ACSS1: variants seen among roughly 807,000 people sequenced by gnomAD.
ACSS1 encodes the protein acyl-CoA synthetase short chain family member 1, also known as acetyl-coenzyme A synthetase 2-like, mitochondrial.
Under a neutral mutation model 75.3 loss-of-function variants are expected in ACSS1, and 42 were observed. That is an observed-to-expected ratio of 0.56 (90% CI 0.44 to 0.72). ACSS1 has a LOEUF of 0.72. ACSS1 is among the 30% of genes least tolerant of loss of function. The probability of loss-of-function intolerance (pLI) is 0.00; values close to 1 mark genes in which losing one functional copy is unlikely to be tolerated. For synonymous variants in ACSS1, 380 were observed against 376.8 expected, an observed-to-expected ratio of 1.01 and a Z score of -0.10; for missense variants, 782 against 935.7, an observed-to-expected ratio of 0.84 and a Z score of 2.14.
chr20:25,012,720 G>A (rs1367070908), intron 11 of ACSS1, 56 bp from the exon 12 acceptor site: 2 of 1,613,538 alleles, frequency 1.2e-6, no homozygotes, highest in African/African-American at 1.3e-5. Flanking sequence ...TGCTAGAAGT[G>A]ACTCGGGCCA....
intron 7 of ACSS1, among the ~76,000 whole-genome samples, chr20:25,019,004 T>C (rs1342452825): frequency 6.6e-6 from 1 of 152,226 alleles, no homozygotes; most frequent in Non-Finnish European, 1.5e-5. Flanking sequence ...CCAGCTGCTG[T>C]GCCTCTCAGC....
intron 2 of ACSS1, chr20:25,046,541 G>A (rs1180614663): frequency 3.0e-5 from 15 of 492,424 alleles, no homozygotes; most frequent in Non-Finnish European, 3.7e-6. Flanking sequence ...CCTTCGGGGA[G>A]TGCCATGGCT....
At chr20:25,029,452 A>C (rs1310969500) in intron 3 of ACSS1, among the ~76,000 whole-genome samples, 1 of 152,242 alleles carries the variant, frequency 6.6e-6, no homozygotes, top group African/African-American at 2.4e-5. Context: ...TTAGCAAAAC[A>C]GTTTTACAGT....
intron 5 of ACSS1, among the ~76,000 whole-genome samples, chr20:25,022,453 G>A (rs751524328): frequency 1.3e-5 from 2 of 152,126 alleles, no homozygotes; most frequent in Non-Finnish European, 1.5e-5. Flanking sequence ...TGCTCATATG[G>A]GTCACAAAAC....
rs144232421 is a variant in ACSS1, at chr20:25,016,570, C to T, written c.1247-1340G>A. On this transcript the variant is annotated intron_variant, in intron 7 of 13. Coordinates refer to ENST00000323482, the MANE Select transcript of ACSS1 (RefSeq NM_032501.4). ...GCTCAGGACCACTCACAACCCACAGCCTGTCCCAGCAGTGGCCCCCGCATC... is the reference window on the plus strand; with the variant it reads ...GCTCAGGACCACTCACAACCCACAGTCTGTCCCAGCAGTGGCCCCCGCATC... Among the ~76,000 whole-genome samples the T allele has an allele frequency of 7.8e-3, 1,186 of 152,338 alleles. 15 individuals are homozygous for T. The highest frequency in any genetic ancestry group is 0.027 in the African/African-American group (1,111 of 41,564).
intron 3 of ACSS1, among the ~76,000 whole-genome samples, chr20:25,027,536 C>A (rs548567400): frequency 6.6e-6 from 1 of 152,110 alleles, no homozygotes; most frequent in Non-Finnish European, 1.5e-5. Flanking sequence ...AAGGAAAAAA[C>A]ACATCTCAAT....
In ACSS1 at chr20:25,023,081, C is replaced by G; in HGVS notation, c.819G>C (p.Lys273Asn). 3 of 1,611,998 alleles carry G rather than the reference C, an allele frequency of 1.9e-6. No individual in the cohort carries two copies. Among genetic ancestry groups the G allele is most frequent in the Non-Finnish European group, 2.5e-6 (3 of 1,178,908 alleles). ...TCTCTGGGGCGCAAACAGGGTCCTCCTTGGCCATTTCCTGGCAGGGAGAAG... is the reference window on the plus strand; with the variant it reads ...TCTCTGGGGCGCAAACAGGGTCCTCGTTGGCCATTTCCTGGCAGGGAGAAG... The part of the protein sequence containing the change: ...LDVPLEQEMA[K>N]EDPVCAPESM... Residue 273 changes from lysine to asparagine, a missense_variant, in exon 5 of 14, where the codon AAG becomes AAC. Physicochemically the swap from Lys to Asn is moderately conservative, Grantham distance 94. Transcript: ENST00000323482.
chr20:25,019,951 A>G (rs946645743), intron 7 of ACSS1, 59 bp downstream of exon 7: 29 of 1,608,688 alleles, frequency 1.8e-5, no homozygotes, highest in Non-Finnish European at 2.5e-5. Flanking sequence ...TGAAGCCCGT[A>G]TTGGCTCTGA....
At position 25,013,941 on chromosome 20, in the gene ACSS1, T is replaced by G. The variant is rs1020815670; in HGVS notation, c.1452+20A>C. The G allele has an allele frequency of 2.5e-6, 4 of 1,605,318 alleles. No homozygotes were observed. Among genetic ancestry groups the G allele is most frequent in the Non-Finnish European group, 8.5e-7 (1 of 1,173,620 alleles). ...GGAGGGCAAGCACATGACCCCCATG[T>G]GGGGGAGGCCCATACACACCTTCTC... On this transcript the variant is annotated intron_variant, in intron 9 of 13. Coordinates refer to ENST00000323482, the MANE Select transcript of ACSS1 (RefSeq NM_032501.4).
At chr20:25,008,888 C>T (rs1385065484) in intron 13 of ACSS1, among the ~76,000 whole-genome samples, 1 of 152,198 alleles carries the variant, frequency 6.6e-6, no homozygotes, top group Admixed American at 6.5e-5. Context: ...GACAGGTGAG[C>T]TGGCTGGGCG....
Position 25,015,132 on chromosome 20 carries a change from C to G in ACSS1, c.1339+6G>C. 1.2e-6 allele frequency: 2 copies of G among 1,608,600 alleles called. No individual in the cohort carries two copies. Among genetic ancestry groups the G allele is most frequent in the South Asian group, 2.2e-5 (2 of 90,760 alleles). ...AGACCGGAACCTGTTCCCCAGGCCTCCTCACCTGTCTGCCACCAGGTGTCC... is the reference window on the plus strand; with the variant it reads ...AGACCGGAACCTGTTCCCCAGGCCTGCTCACCTGTCTGCCACCAGGTGTCC... On this transcript the variant is annotated splice_donor_region_variant and intron_variant, in intron 8 of 13. Coordinates refer to ENST00000323482, the MANE Select transcript of ACSS1 (RefSeq NM_032501.4).
intron 2 of ACSS1, among the ~76,000 whole-genome samples, chr20:25,037,001 A>G (rs369177367): frequency 0.013 from 1,000 of 76,074 alleles, 19 homozygotes; most frequent in African/African-American, 0.04. Context: ...AAGAAAGAAG[A>G]AAGAAAGGAA....
chr20:25,040,894 G>A (rs1490726446), intron 2 of ACSS1, among the ~76,000 whole-genome samples: 2 of 152,122 alleles, frequency 1.3e-5, no homozygotes, highest in East Asian at 3.9e-4. Flanking sequence ...AACAATAATT[G>A]TTAATAATTT....
At chr20:25,046,211 G>A in intron 2 of ACSS1, 1 of 152,766 alleles carries the variant, frequency 6.5e-6, no homozygotes. Flanking sequence ...AAAGTGCTGG[G>A]ATTACCGGCA....
At chr20:25,038,648 A>G (rs1488487687) in intron 2 of ACSS1, among the ~76,000 whole-genome samples, 1 of 152,176 alleles carries the variant, frequency 6.6e-6, no homozygotes, top group Non-Finnish European at 1.5e-5. Context: ...GCCTTGCAGG[A>G]AGCCCTCACC....
intron 12 of ACSS1, chr20:25,011,361 C>G (rs2088405749): frequency 6.6e-6 from 1 of 152,376 alleles, no homozygotes; most frequent in Non-Finnish European, 1.5e-5. Context: ...ATGCCCGGAC[C>G]CCTCTCAGTG....
At chr20:25,046,680 C>A in intron 2 of ACSS1, 2 of 660,998 alleles carry the variant, frequency 3.0e-6, no homozygotes, top group Non-Finnish European at 5.5e-6. Flanking sequence ...TCAGAAGGGG[C>A]TTTGTTCGCA....
chr20:25,046,582 A>C, intron 2 of ACSS1: 1 of 547,166 alleles, frequency 1.8e-6, no homozygotes, highest in Non-Finnish European at 3.3e-6. Flanking sequence ...CCAGGTGTCC[A>C]GTTAGCTCCT....
At chr20:25,042,080 A>C (rs990561129) in intron 2 of ACSS1, among the ~76,000 whole-genome samples, 4 of 152,076 alleles carry the variant, frequency 2.6e-5, no homozygotes, top group Non-Finnish European at 5.9e-5. Context: ...ATTCTCAGAA[A>C]GGTCCTGTCC....
Sources: gnomAD v4.1 joint callset for allele counts (sites outside exome capture counted in the v4.1 genomes callset) on GRCh38, gnomAD v4.1.1 for gene constraint, MANE v1.5 for transcripts, NCBI Gene and HGNC (gene_info 2026-07-23, HGNC 2026-07-21) for gene names.